CCDC192: variants seen among roughly 807,000 people sequenced by gnomAD.
The protein encoded by CCDC192 is coiled-coil domain containing 192, also known as coiled-coil domain-containing protein 192.
intron 2 of CCDC192, among the ~76,000 whole-genome samples, chr5:127,734,939 C>T (rs1484883508): frequency 2.1e-4 from 32 of 149,052 alleles, no homozygotes; most frequent in Non-Finnish European, 1.0e-4. Flanking sequence ...TAATTAGATC[C>T]CATTTGTCAA....
At chr5:127,778,390 A>C (rs535156868) in intron 3 of CCDC192, among the ~76,000 whole-genome samples, 4 of 152,258 alleles carry the variant, frequency 2.6e-5, no homozygotes, top group South Asian at 4.1e-4. Flanking sequence ...TTTTTCCTCT[A>C]TTCTATCAAT....
At chr5:127,771,577 G>A (rs190248569) in intron 3 of CCDC192, among the ~76,000 whole-genome samples, 1 of 152,174 alleles carries the variant, frequency 6.6e-6, no homozygotes, top group African/African-American at 2.4e-5. Flanking sequence ...GAAGTGGATT[G>A]GGGGGTAGGG....
At chr5:127,756,043 G>A (rs1754567131) in intron 3 of CCDC192, among the ~76,000 whole-genome samples, 1 of 151,826 alleles carries the variant, frequency 6.6e-6, no homozygotes, top group South Asian at 2.1e-4. Context: ...TGAGGCAGGA[G>A]AATGGCGTGA....
chr5:127,901,879 C>T (rs1333094712), intron 6 of CCDC192, among the ~76,000 whole-genome samples: 4 of 152,206 alleles, frequency 2.6e-5, no homozygotes, highest in Admixed American at 2.6e-4. Context: ...TTTTAAATTT[C>T]AGTACTACAG....
chr5:127,763,676 C>T (rs1755054918), intron 3 of CCDC192, among the ~76,000 whole-genome samples: 1 of 152,174 alleles, frequency 6.6e-6, no homozygotes, highest in Admixed American at 6.5e-5. Context: ...TTACACCACT[C>T]CCTGTATACC....
At chr5:127,939,194 T>C (rs545654753) in intron 6 of CCDC192, among the ~76,000 whole-genome samples, 1 of 127,198 alleles carries the variant, frequency 7.9e-6, no homozygotes, top group Non-Finnish European at 1.6e-5. Flanking sequence ...CTCAGCTCAA[T>C]GCAACCTGCA....
chr5:127,880,525 C>T (rs58571921), intron 6 of CCDC192, among the ~76,000 whole-genome samples: 5,391 of 150,176 alleles, frequency 0.036, 228 homozygotes, highest in Middle Eastern at 0.11. Flanking sequence ...GTGGGTGCAG[C>T]GCACCAGCAT....
At chr5:127,880,356 A>C (rs1317151108) in intron 6 of CCDC192, among the ~76,000 whole-genome samples, 2 of 151,370 alleles carry the variant, frequency 1.3e-5, no homozygotes, top group East Asian at 3.9e-4. Flanking sequence ...CCAAGAACAA[A>C]AAACCAAACA....
At chr5:127,894,469 G>A (rs991429816) in intron 6 of CCDC192, among the ~76,000 whole-genome samples, 2 of 152,058 alleles carry the variant, frequency 1.3e-5, no homozygotes, top group Non-Finnish European at 2.9e-5. Flanking sequence ...AGGATTACAC[G>A]CGTGAGCCAC....
chr5:127,802,750 CCA>C (rs1439925315), intron 5 of CCDC192, among the ~76,000 whole-genome samples: 1 of 152,130 alleles, frequency 6.6e-6, no homozygotes, highest in Non-Finnish European at 1.5e-5. Context: ...TTTATTCCTC[CCA>C]CAGTGTCTGG....
At chr5:127,840,800 T>C (rs73347053) in intron 5 of CCDC192, among the ~76,000 whole-genome samples, 146 of 152,322 alleles carry the variant, frequency 9.6e-4, no homozygotes, top group African/African-American at 3.2e-3. Context: ...TTTCATCATA[T>C]TGCTCACTTA....
At chr5:127,800,364 A>G (rs192958407) in intron 5 of CCDC192, among the ~76,000 whole-genome samples, 58 of 136,206 alleles carry the variant, frequency 4.3e-4, no homozygotes, top group Admixed American at 9.8e-4. Context: ...ATAGGATGCT[A>G]AGAGGTATTC....
chr5:127,884,733 T>C (rs1006840675), intron 6 of CCDC192, among the ~76,000 whole-genome samples: 1 of 152,160 alleles, frequency 6.6e-6, no homozygotes, highest in Non-Finnish European at 1.5e-5. Context: ...AAAATACACC[T>C]CTCACTGTGC....
chr5:127,923,594 G>T (rs1409375488), intron 6 of CCDC192, among the ~76,000 whole-genome samples: 1 of 152,162 alleles, frequency 6.6e-6, no homozygotes, highest in East Asian at 1.9e-4. Flanking sequence ...AGCCAGGATG[G>T]TCTTGATCTT....
intron 5 of CCDC192, among the ~76,000 whole-genome samples, chr5:127,843,285 G>A (rs1241371439): frequency 1.3e-5 from 2 of 151,392 alleles, no homozygotes; most frequent in African/African-American, 4.9e-5. Flanking sequence ...TAATCCACCC[G>A]CCTCAGCCTC....
intron 6 of CCDC192, among the ~76,000 whole-genome samples, chr5:127,918,688 T>C (rs1753600563): frequency 2.0e-5 from 3 of 152,232 alleles, no homozygotes; most frequent in African/African-American, 7.2e-5. Flanking sequence ...TATATAAAAG[T>C]GTAGCATTGA....
chr5:127,859,893 C>A (rs562892717), intron 5 of CCDC192, among the ~76,000 whole-genome samples: 2 of 152,224 alleles, frequency 1.3e-5, no homozygotes, highest in South Asian at 4.1e-4. Flanking sequence ...TTACTTGATT[C>A]TTTTTCATGA....
At chr5:127,821,735 A>G (rs59790213) in intron 5 of CCDC192, among the ~76,000 whole-genome samples, 4,862 of 152,224 alleles carry the variant, frequency 0.032, 217 homozygotes, top group African/African-American at 0.1. Flanking sequence ...CTTAGACCCA[A>G]TGATGTTTGA....
intron 5 of CCDC192, among the ~76,000 whole-genome samples, chr5:127,873,011 A>G (rs1716061358): frequency 6.6e-6 from 1 of 152,190 alleles, no homozygotes; most frequent in African/African-American, 2.4e-5. Flanking sequence ...GAAAGGTGAA[A>G]TTCTTAACTG....
Sources: gnomAD v4.1 joint callset for allele counts (sites outside exome capture counted in the v4.1 genomes callset) on GRCh38, gnomAD v4.1.1 for gene constraint, MANE v1.5 for transcripts, NCBI Gene and HGNC (gene_info 2026-07-23, HGNC 2026-07-21) for gene names.